CDH4: variants seen among roughly 807,000 people sequenced by gnomAD.
CDH4 encodes cadherin 4, also known as cadherin-4.
A neutral mutation model predicts 86.0 loss-of-function variants in CDH4; 33 were observed. The observed-to-expected ratio is 0.38, with a 90% CI of 0.29 to 0.51. The LOEUF is 0.51. Ranked by LOEUF, CDH4 falls within the 20% of genes least tolerant of loss-of-function variation. CDH4 has a pLI of 0.86. For synonymous variants in CDH4, 555 were observed against 549.4 expected (o/e 1.01, Z -0.14); for missense variants, 1,114 against 1,307.4 (o/e 0.85, Z 2.28).
At position 61,392,374 on chromosome 20, in the gene CDH4, A is replaced by G. The variant is rs539526486; in HGVS notation, c.169+137437A>G. On this transcript the variant is annotated intron_variant, in intron 2 of 15. Coordinates refer to ENST00000614565, the MANE Select transcript of CDH4 (RefSeq NM_001794.5). This position sits in a 1 kb window ranked among gnomAD's most constrained non-coding sequence, Gnocchi z 5.7. Reference sequence around the variant, plus strand: ...CGGAGTCCCACGCTGCTCAGTATGCATGATCACAGGGCGCCACCGGGATGG... The same window carrying G: ...CGGAGTCCCACGCTGCTCAGTATGCGTGATCACAGGGCGCCACCGGGATGG... 3.4e-4 allele frequency among the ~76,000 whole-genome samples: 52 copies of G among 152,212 alleles called. No homozygotes were observed. The highest frequency in any genetic ancestry group is 1.2e-3 in the African/African-American group (51 of 41,540).
chr20:61,358,651 C>A (rs1490890747), intron 2 of CDH4, among the ~76,000 whole-genome samples: 4 of 152,220 alleles, frequency 2.6e-5, no homozygotes, highest in Non-Finnish European at 5.9e-5. Context: ...AAATGCACGG[C>A]CCTTCCCTGG....
chr20:61,836,464 TG>T (rs2146089022), intron 4 of CDH4, among the ~76,000 whole-genome samples: 2 of 152,376 alleles, frequency 1.3e-5, no homozygotes, highest in African/African-American at 4.8e-5. Context: ...AAAGTATGTG[TG>T]AACAGTTCTG....
intron 4 of CDH4, among the ~76,000 whole-genome samples, chr20:61,791,739 C>A (rs1024486570): frequency 3.3e-5 from 5 of 152,154 alleles, no homozygotes; most frequent in Admixed American, 6.5e-5. Flanking sequence ...AAGGCCTCTC[C>A]GAGGAGCCAG....
At chr20:61,862,026 C>A (rs935420142) in intron 6 of CDH4, among the ~76,000 whole-genome samples, 8 of 152,198 alleles carry the variant, frequency 5.3e-5, no homozygotes, top group South Asian at 4.1e-4. Context: ...AGCGCCTTTC[C>A]CTGTCCCCGG....
At chr20:61,920,227 GGTGATTGCATGGAAGCGTGGTGTCACA>G (rs1223110664) in intron 9 of CDH4, among the ~76,000 whole-genome samples, 2 of 149,676 alleles carry the variant, frequency 1.3e-5, no homozygotes, top group African/African-American at 2.5e-5. Flanking sequence ...ATGGTGTCAC[GGTGATTGCATGGAAGCGTGGTGTCACA>G]GTGATTGCAT....
At chr20:61,347,243 C>T (rs1028140101) in intron 2 of CDH4, among the ~76,000 whole-genome samples, 12 of 152,190 alleles carry the variant, frequency 7.9e-5, no homozygotes, top group Admixed American at 1.3e-4. Flanking sequence ...GGTGACAGCC[C>T]GTGCCGCTGC....
chr20:61,264,989 C>G (rs1600816215), intron 2 of CDH4, among the ~76,000 whole-genome samples: 1 of 150,246 alleles, frequency 6.7e-6, no homozygotes, highest in East Asian at 2.0e-4. Context: ...ACACATACCT[C>G]AGTGGCTCCT....
chr20:61,740,892 TAGACAC>T (rs1212473814), intron 2 of CDH4: 3 of 152,226 alleles, frequency 2.0e-5, no homozygotes, highest in African/African-American at 7.2e-5. Context: ...CGGGGCCTGT[TAGACAC>T]AGACGGAAAA....
intron 2 of CDH4, among the ~76,000 whole-genome samples, chr20:61,515,967 C>A (rs1350867326): frequency 6.6e-6 from 1 of 152,120 alleles, no homozygotes; most frequent in Non-Finnish European, 1.5e-5. Context: ...CCCCTCCTGC[C>A]TGGTTTCCTG....
chr20:61,885,421 G>C (rs1395447252), intron 7 of CDH4, among the ~76,000 whole-genome samples: 1 of 152,114 alleles, frequency 6.6e-6, no homozygotes, highest in Non-Finnish European at 1.5e-5. Context: ...TTTCGTGTCT[G>C]GTGTCTCTCA....
At chr20:61,433,512 A>C (rs1196354544) in intron 2 of CDH4, among the ~76,000 whole-genome samples, 1 of 152,182 alleles carries the variant, frequency 6.6e-6, no homozygotes, top group Non-Finnish European at 1.5e-5. Flanking sequence ...TCATGTAAAA[A>C]AAAAAAACCT....
chr20:61,774,320 G>A (rs78339037), intron 4 of CDH4, among the ~76,000 whole-genome samples: 3,626 of 152,262 alleles, frequency 0.024, 142 homozygotes, highest in African/African-American at 0.082. Flanking sequence ...CCCCATCCTG[G>A]GCGAGCTTCC....
chr20:61,563,310 T>A (rs935050796), intron 2 of CDH4, among the ~76,000 whole-genome samples: 2 of 152,224 alleles, frequency 1.3e-5, no homozygotes, highest in African/African-American at 4.8e-5. Flanking sequence ...TCAGCTTCCG[T>A]TTCTGCTCCT....
chr20:61,833,087 C>T (rs868508011), intron 4 of CDH4, among the ~76,000 whole-genome samples: 5 of 152,044 alleles, frequency 3.3e-5, no homozygotes, highest in Admixed American at 1.3e-4. Context: ...GGACTGAGCA[C>T]GGTACTCAGC....
At chr20:61,819,519 A>G (rs1412443983) in intron 4 of CDH4, among the ~76,000 whole-genome samples, 1 of 152,230 alleles carries the variant, frequency 6.6e-6, no homozygotes, top group Non-Finnish European at 1.5e-5. Context: ...TGCATTTACA[A>G]AGGCGGCCGG....
rs534275509 is a variant in CDH4, at chr20:61,763,644, C to T, written c.397-9359C>T. ...CAGCTCCCATGCCCCGGCCAGACCA[C>T]GATTGTGGGGAAAGACCCCTCGTCT... On this transcript the variant is annotated intron_variant, in intron 3 of 15. Transcript: ENST00000614565. Among the ~76,000 whole-genome samples, 81 of 152,216 alleles carry T rather than the reference C, an allele frequency of 5.3e-4. 1 individual carries two copies. In the Middle Eastern group the frequency reaches 0.017, roughly 32 times the overall value.
At chr20:61,353,890 A>G (rs905682472) in intron 2 of CDH4, among the ~76,000 whole-genome samples, 20 of 151,658 alleles carry the variant, frequency 1.3e-4, no homozygotes, top group African/African-American at 4.4e-4. Flanking sequence ...ATCTTTGAGC[A>G]TAATGGAGAA....
intron 2 of CDH4, chr20:61,499,354 A>G (rs2085684167): frequency 1.1e-6 from 1 of 872,530 alleles, no homozygotes; most frequent in African/African-American, 1.7e-5. Context: ...ACCTAGAAGG[A>G]TAGCAGTGCC....
At chr20:61,721,346 G>T (rs2088039269) in intron 2 of CDH4, among the ~76,000 whole-genome samples, 1 of 152,198 alleles carries the variant, frequency 6.6e-6, no homozygotes, top group South Asian at 2.1e-4. Flanking sequence ...TGGCCAGGCT[G>T]CTGGACAGTC....
Sources: allele counts gnomAD v4.1 joint callset (sites outside exome capture counted in the v4.1 genomes callset), GRCh38; gene constraint gnomAD v4.1.1; non-coding constraint Gnocchi (gnomAD v3.1); transcripts MANE v1.5; gene names NCBI Gene and HGNC (gene_info 2026-07-23, HGNC 2026-07-21).